Variants in NUP155 observed in about 807,000 individuals in gnomAD.
The protein encoded by NUP155 is nucleoporin 155.
In NUP155, 71 loss-of-function variants were observed where a neutral mutation model predicts 180.4. That is an observed-to-expected ratio of 0.39 (90% CI 0.33 to 0.48). The LOEUF is 0.48. NUP155 is among the 20% of genes least tolerant of loss of function. The pLI is 0.91. For synonymous variants in NUP155, 582 were observed against 559.5 expected (o/e 1.04, Z -0.57); for missense variants, 1,553 against 1,648.9 (o/e 0.94, Z 1.01).
intron 21 of NUP155, among the ~76,000 whole-genome samples, chr5:37,314,990 G>A (rs1743792755): frequency 6.6e-6 from 1 of 152,236 alleles, no homozygotes; most frequent in Non-Finnish European, 1.5e-5. Context: ...CCAGCACTTT[G>A]GGAGGCCGAG....
chr5:37,328,516 T>A, intron 16 of NUP155, 96 bp from the exon 17 acceptor site: 1 of 929,114 alleles, frequency 1.1e-6, no homozygotes. Context: ...TCCTTTTTCT[T>A]TTTTTGAGGC....
chr5:37,316,132 C>T (rs1188989039), intron 21 of NUP155, among the ~76,000 whole-genome samples: 1 of 152,130 alleles, frequency 6.6e-6, no homozygotes, highest in Non-Finnish European at 1.5e-5. Flanking sequence ...CAGCATTATT[C>T]ACGATAGCCA....
At chr5:37,313,980 T>C (rs540562876) in intron 22 of NUP155, among the ~76,000 whole-genome samples, 2 of 152,318 alleles carry the variant, frequency 1.3e-5, no homozygotes, top group South Asian at 4.1e-4. Flanking sequence ...TTTTGTAAAG[T>C]ATGACTTCAT....
At chr5:37,338,312 C>T (rs1257548236) in intron 11 of NUP155, among the ~76,000 whole-genome samples, 7 of 127,662 alleles carry the variant, frequency 5.5e-5, no homozygotes, top group South Asian at 4.9e-4. Flanking sequence ...AGCAAGATTC[C>T]GTCTCAAAAA....
chr5:37,303,035 T>A lies in NUP155; in HGVS notation c.3318-127A>T. ...AAGCCATCTGAAACTTGAAAAAAAA[T>A]CATTAGATTTAAAAAAAAATCTATT... is the stretch of plus-strand genomic sequence containing the variant. On this transcript the variant is annotated intron_variant, in intron 28 of 34. Coordinates refer to ENST00000231498, the MANE Select transcript of NUP155 (RefSeq NM_153485.3). 2.6e-6 allele frequency: 3 copies of A among 1,145,422 alleles called. No individual in the cohort carries two copies. In the South Asian group the frequency reaches 4.2e-5, roughly 16 times the overall value. 71.0% of individuals were successfully genotyped at this position (1,145,422 alleles called of 1,614,324 possible).
intron 21 of NUP155, among the ~76,000 whole-genome samples, chr5:37,316,064 TACC>T (rs1330872850): frequency 6.6e-6 from 1 of 152,240 alleles, no homozygotes; most frequent in African/African-American, 2.4e-5. Flanking sequence ...TCTGGGTATA[TACC>T]CAAAAGAACT....
intron 5 of NUP155, among the ~76,000 whole-genome samples, chr5:37,351,871 A>AGT (rs141685160): frequency 0.11 from 17,052 of 148,516 alleles, 940 homozygotes; most frequent in Admixed American, 0.16. Flanking sequence ...AGAGTGTGTG[A>AGT]GTGTGTGTGT....
chr5:37,308,064 T>C (rs1260489137), intron 24 of NUP155, among the ~76,000 whole-genome samples: 1 of 151,720 alleles, frequency 6.6e-6, no homozygotes, highest in Non-Finnish European at 1.5e-5. Flanking sequence ...GGATTCAAAA[T>C]AATACCTGTG....
chr5:37,303,033 AATC>A lies in NUP155; in HGVS notation c.3318-128_3318-126del, dbSNP rs955608554. 1.2e-4 allele frequency: 139 copies of A among 1,178,216 alleles called. 1 individual carries two copies. In the African/African-American group the frequency reaches 2.0e-3, roughly 17 times the overall value. The allele number at this position is 1,178,216 out of a possible 1,614,324, so 73.0% of individuals were successfully genotyped here. A position where few individuals can be genotyped will look rare whatever the true frequency, so the allele number is the denominator to read the frequency against. ...AAAAGCCATCTGAAACTTGAAAAAA[AATC>A]ATTAGATTTAAAAAAAAATCTATTT... On this transcript the variant is annotated intron_variant, in intron 28 of 34. Coordinates refer to ENST00000231498, the MANE Select transcript of NUP155 (RefSeq NM_153485.3).
chr5:37,333,327 C>A, intron 13 of NUP155, 136 bp downstream of exon 13: 1 of 793,000 alleles, frequency 1.3e-6, no homozygotes, highest in Admixed American at 2.0e-5. Flanking sequence ...TGCACTCCAG[C>A]CTGGGTGATG....
At chr5:37,335,525 TTC>T (rs1166547270) in intron 12 of NUP155, among the ~76,000 whole-genome samples, 6 of 152,310 alleles carry the variant, frequency 3.9e-5, no homozygotes, top group African/African-American at 9.6e-5. Flanking sequence ...CATATCTGCA[TTC>T]TCTCTCTTTC....
In NUP155 at chr5:37,370,967, G is replaced by A. The variant is rs755278532; in HGVS notation, c.11C>T (p.Ser4Phe). The A allele has an allele frequency of 1.9e-6, 3 of 1,613,940 alleles. No homozygotes were observed. The highest frequency in any genetic ancestry group is 2.5e-6 in the Non-Finnish European group (3 of 1,180,026). Residue 4 changes from serine (S) to phenylalanine (F), a missense_variant, in exon 1 of 35, where the codon TCT (serine) becomes TTT (phenylalanine). Coordinates refer to ENST00000231498, the MANE Select transcript of NUP155 (RefSeq NM_153485.3). ...GGCCGGCATCGCCGCGCCCAACAAA[G>A]AAGACGGCATCTCGGAAATCGTAGA... MPSSLLGAAMPAST... is the reference protein window; with the variant it reads MPSFLLGAAMPAST...
At position 37,329,249 on chromosome 5, in the gene NUP155, G is replaced by A; in HGVS notation, c.1754C>T (p.Pro585Leu). 1 of 1,613,916 alleles carries A rather than the reference G, an allele frequency of 6.2e-7. No homozygotes were observed. The highest frequency in any genetic ancestry group is 8.5e-7 in the Non-Finnish European group (1 of 1,179,888). ...ATTACTTGGAGGCGGAAGAGTGGTTGGAAATCTCATCTGTGCTTCACCACC... is the reference window on the plus strand; with the variant it reads ...ATTACTTGGAGGCGGAAGAGTGGTTAGAAATCTCATCTGTGCTTCACCACC... Reference protein sequence around the residue: ...RYGGEAQMRFPTTLPPPSNVG... With the variant: ...RYGGEAQMRFLTTLPPPSNVG... Residue 585 changes from proline (P) to leucine (L), a missense_variant, in exon 16 of 35, where the codon CCA (proline) becomes CTA (leucine). Pro to Leu is a moderately conservative substitution (Grantham distance 98, BLOSUM62 -3). Transcript: ENST00000231498.
intron 1 of NUP155, among the ~76,000 whole-genome samples, chr5:37,370,417 A>T (rs959381951): frequency 6.6e-6 from 1 of 152,244 alleles, no homozygotes; most frequent in Admixed American, 6.5e-5. Flanking sequence ...TCTTTAAGAT[A>T]ACATGCTAAA....
At chr5:37,321,255 A>G (rs1436315130) in intron 20 of NUP155, among the ~76,000 whole-genome samples, 1 of 152,216 alleles carries the variant, frequency 6.6e-6, no homozygotes, top group Admixed American at 6.5e-5. Context: ...GTGAGGCAGG[A>G]GAATCGCTTG....
At chr5:37,367,180 G>A (rs217846) in intron 1 of NUP155, among the ~76,000 whole-genome samples, 74,477 of 151,770 alleles carry the variant, frequency 0.49, 21,072 homozygotes, top group Non-Finnish European at 0.63. Flanking sequence ...GAGTAGCTAG[G>A]ACTACAGTGT....
intron 21 of NUP155, among the ~76,000 whole-genome samples, chr5:37,317,445 G>A (rs1402133145): frequency 6.6e-6 from 1 of 151,474 alleles, no homozygotes; most frequent in Non-Finnish European, 1.5e-5. Context: ...CCAAGATCAC[G>A]CCATTGCACT....
rs1017097701 is a variant in NUP155, at chr5:37,288,140, T to C, written c.*3760A>G. 1 of 152,188 alleles carries C rather than the reference T, an allele frequency of 6.6e-6. No individual in the cohort carries two copies. The highest frequency in any genetic ancestry group is 6.6e-5 in the Admixed American group (1 of 15,262). 9.4% of individuals were successfully genotyped at this position (152,188 alleles called of 1,614,324 possible). On this transcript the variant is annotated 3_prime_UTR_variant, in exon 35 of 35. Transcript: ENST00000231498. ...TGATTTAATGGAAGACTTAAAATAT[T>C]AGAAAAAAGTTTTATTCTTAAGAGA...
At chr5:37,323,620 A>G (rs896599613) in intron 20 of NUP155, among the ~76,000 whole-genome samples, 7 of 149,860 alleles carry the variant, frequency 4.7e-5, no homozygotes, top group African/African-American at 1.5e-4. Flanking sequence ...ATATTTCTAT[A>G]AACATTCCAT....
Sources: allele counts gnomAD v4.1 joint callset (sites outside exome capture counted in the v4.1 genomes callset), GRCh38; gene constraint gnomAD v4.1.1; transcripts MANE v1.5; gene names NCBI Gene and HGNC (gene_info 2026-07-23, HGNC 2026-07-21).